The following B4GALT6 variants were observed in gnomAD, a reference collection of about 807,000 sequenced individuals.
The protein encoded by B4GALT6 is UDP-Gal:beta-GlcNAc beta-1,4-galactosyltransferase 6.
Under a neutral mutation model 46.3 loss-of-function variants are expected in B4GALT6, and 14 were observed. That is an observed-to-expected ratio of 0.30 (90% CI 0.20 to 0.47). The LOEUF (loss-of-function observed/expected upper bound fraction) is 0.47, where lower values mean the gene tolerates loss of function less well. B4GALT6 is among the 20% of genes least tolerant of loss of function. The probability of loss-of-function intolerance (pLI) is 0.99; values close to 1 mark genes in which losing one functional copy is unlikely to be tolerated. For missense variants in B4GALT6, 386 were observed against 480.1 expected (o/e 0.80, Z 1.83); for synonymous variants, 168 against 162.0 (o/e 1.04, Z -0.28).
At chr18:31,657,694 T>G (rs1041828917) in intron 3 of B4GALT6, among the ~76,000 whole-genome samples, 1 of 152,304 alleles carries the variant, frequency 6.6e-6, no homozygotes, top group Admixed American at 6.5e-5. Flanking sequence ...AACTTGGACA[T>G]AGGTAAGCCG....
intron 5 of B4GALT6, among the ~76,000 whole-genome samples, chr18:31,635,151 A>C (rs2073842035): frequency 6.6e-6 from 1 of 152,128 alleles, no homozygotes; most frequent in African/African-American, 2.4e-5. Context: ...GAATCACTTG[A>C]ACCCAGGAGG....
At position 31,669,820 on chromosome 18, in the gene B4GALT6, G is replaced by C. The variant is rs544919399; in HGVS notation, c.116-3448C>G. ...ATTATTTAATCCTAAAGTTACATAT[G>C]AAATTTGTTGTCAGTAATATAAACA... On this transcript the variant is annotated intron_variant, in intron 1 of 8. Coordinates refer to ENST00000306851, the MANE Select transcript of B4GALT6 (RefSeq NM_004775.5). 3.3e-5 allele frequency among the ~76,000 whole-genome samples: 5 copies of C among 152,186 alleles called. No individual in the cohort carries two copies. The South Asian group carries it at 8.3e-4, about 25-fold the overall frequency.
chr18:31,664,477 T>C (rs1024898698), intron 2 of B4GALT6, among the ~76,000 whole-genome samples: 1 of 152,100 alleles, frequency 6.6e-6, no homozygotes, highest in Admixed American at 6.5e-5. Context: ...TATGCATTGG[T>C]TCTTTGGTCT....
At chr18:31,700,472 A>T in the B4GALT6 span, among the ~76,000 whole-genome samples, 3 of 78,112 alleles carry the variant, frequency 3.8e-5, no homozygotes, top group Admixed American at 1.3e-4. Context: ...TGTGTGTGAG[A>T]GAGAGACAGA....
At chr18:31,715,607 A>G in the B4GALT6 span, among the ~76,000 whole-genome samples, 2 of 130,666 alleles carry the variant, frequency 1.5e-5, no homozygotes, top group Admixed American at 9.4e-5. Flanking sequence ...CTGGAGTGCA[A>G]TAGCACGATC....
intron 3 of B4GALT6, among the ~76,000 whole-genome samples, chr18:31,656,457 G>C (rs2074140671): frequency 6.6e-6 from 1 of 151,924 alleles, no homozygotes; most frequent in Non-Finnish European, 1.5e-5. Flanking sequence ...TGTGGCTTCT[G>C]AGTGTTGACA....
intron 1 of B4GALT6, among the ~76,000 whole-genome samples, chr18:31,680,246 T>A (rs951421824): frequency 6.6e-6 from 1 of 152,132 alleles, no homozygotes; most frequent in Non-Finnish European, 1.5e-5. Context: ...CCAGGCCCAC[T>A]TGCCAGGGCC....
chr18:31,634,113 G>C (rs1294570090), intron 5 of B4GALT6, among the ~76,000 whole-genome samples: 1 of 152,174 alleles, frequency 6.6e-6, no homozygotes, highest in Non-Finnish European at 1.5e-5. Flanking sequence ...GGGGTGGGGA[G>C]ATTCACACCT....
intron 2 of B4GALT6, among the ~76,000 whole-genome samples, chr18:31,660,522 T>C (rs1044167373): frequency 2.0e-5 from 3 of 151,078 alleles, no homozygotes; most frequent in Non-Finnish European, 4.4e-5. Context: ...GAAAGGAAGA[T>C]AAGGCATTCT....
chr18:31,720,441 C>T, the B4GALT6 span, among the ~76,000 whole-genome samples: 1 of 152,208 alleles, frequency 6.6e-6, no homozygotes, highest in Non-Finnish European at 1.5e-5. Context: ...AATGGCAGGA[C>T]TTCAGCTATG....
At chr18:31,706,992 G>C in the B4GALT6 span, among the ~76,000 whole-genome samples, 2 of 152,044 alleles carry the variant, frequency 1.3e-5, no homozygotes, top group African/African-American at 4.8e-5. Context: ...GATATGTATG[G>C]GGGTGGGAGG....
intron 5 of B4GALT6, among the ~76,000 whole-genome samples, chr18:31,637,578 C>T (rs1163604431): frequency 1.3e-5 from 2 of 152,186 alleles, no homozygotes; most frequent in South Asian, 2.1e-4. Context: ...TTTAGGTTTA[C>T]TAACTGGCTG....
chr18:31,657,143 A>C (rs1407045232), intron 3 of B4GALT6, among the ~76,000 whole-genome samples: 1 of 152,136 alleles, frequency 6.6e-6, no homozygotes, highest in Non-Finnish European at 1.5e-5. Context: ...ACTAGCCATC[A>C]ACCCTCAAGT....
At chr18:31,654,435 CA>C (rs1309813403) in intron 3 of B4GALT6, among the ~76,000 whole-genome samples, 1 of 152,076 alleles carries the variant, frequency 6.6e-6, no homozygotes, top group Non-Finnish European at 1.5e-5. Flanking sequence ...TAAATACTAA[CA>C]AACAAGAAAG....
At chr18:31,721,878 C>T in the B4GALT6 span, among the ~76,000 whole-genome samples, 1 of 151,876 alleles carries the variant, frequency 6.6e-6, no homozygotes, top group African/African-American at 2.4e-5. Flanking sequence ...CTCTCTCTCT[C>T]TCTGTGTGTG....
At chr18:31,637,097 G>A (rs1460994528) in intron 5 of B4GALT6, among the ~76,000 whole-genome samples, 1 of 152,224 alleles carries the variant, frequency 6.6e-6, no homozygotes, top group East Asian at 1.9e-4. Context: ...GGGATTACAG[G>A]TGTGAGCCAC....
At position 31,625,120 on chromosome 18, in the gene B4GALT6, G is replaced by C. The variant is rs1011186068; in HGVS notation, c.*494C>G. 2 of 153,038 alleles carry C rather than the reference G, an allele frequency of 1.3e-5. No homozygotes were observed. The highest frequency in any genetic ancestry group is 6.5e-5 in the Admixed American group (1 of 15,278). 9.5% of individuals were successfully genotyped at this position (153,038 alleles called of 1,614,324 possible). ...TGACAGTTCCTTCATTTCACACAAG[G>C]GTTAACCTTTGTTTAGTGATGTAAA... On this transcript the variant is annotated 3_prime_UTR_variant, in exon 9 of 9. Transcript: ENST00000306851.
At chr18:31,724,204 G>A in the B4GALT6 span, 2 of 275,738 alleles carry the variant, frequency 7.3e-6, no homozygotes, top group East Asian at 9.3e-5. Context: ...TGCCAGGGGC[G>A]CCAGCGTCTC....
upstream of B4GALT6, among the ~76,000 whole-genome samples, chr18:31,689,702 C>G (rs2030045321): frequency 6.6e-6 from 1 of 152,082 alleles, no homozygotes; most frequent in African/African-American, 2.4e-5. Flanking sequence ...CGAGATCACA[C>G]CACCGCACTC....
Sources: gnomAD v4.1 joint callset for allele counts (sites outside exome capture counted in the v4.1 genomes callset) on GRCh38, gnomAD v4.1.1 for gene constraint, MANE v1.5 for transcripts, NCBI Gene and HGNC (gene_info 2026-07-23, HGNC 2026-07-21) for gene names.